The following MACROD2 variants were observed in gnomAD, a reference collection of about 807,000 sequenced individuals.
MACROD2 encodes ADP-ribose glycohydrolase MACROD2.
MACROD2 carries 36 observed loss-of-function variants against 70.4 expected under a neutral mutation model. The ratio of observed to expected loss-of-function variants is 0.51; its 90% CI spans 0.39 to 0.68. The LOEUF is 0.68. Ranked by LOEUF, MACROD2 falls within the 30% of genes least tolerant of loss-of-function variation. The pLI is 0.00. For synonymous variants in MACROD2, 172 were observed against 178.8 expected, an observed-to-expected ratio of 0.96 and a Z score of 0.30; for missense variants, 496 against 538.4, an observed-to-expected ratio of 0.92 and a Z score of 0.78.
chr20:14,143,034 T>C (rs1197316220), intron 3 of MACROD2, among the ~76,000 whole-genome samples: 1 of 151,200 alleles, frequency 6.6e-6, no homozygotes, highest in Admixed American at 6.6e-5. Flanking sequence ...TTAAGAAAAC[T>C]TTTCATGTCT....
chr20:15,453,598 A>G (rs1241955611), intron 7 of MACROD2, among the ~76,000 whole-genome samples: 2 of 152,172 alleles, frequency 1.3e-5, no homozygotes, highest in East Asian at 3.9e-4. Flanking sequence ...TTGATAGATC[A>G]GTATCATTTT....
Position 15,227,831 on chromosome 20 carries a change from T to TG in MACROD2, c.419-2109_419-2108insG, listed in dbSNP as rs575566458. 1.8e-4 allele frequency among the ~76,000 whole-genome samples: 23 copies of TG among 126,080 alleles called. 1 individual carries two copies. Among genetic ancestry groups the TG allele is most frequent in the African/African-American group, 7.3e-4 (23 of 31,626 alleles). 82.7% of individuals were successfully genotyped at this position (126,080 alleles called of 152,430 possible). ...GTGATAGAATTTCACCTGTTTTTTTTTTTTTTTTTTTTTTTTTTCAAATTT... is the reference window on the plus strand; with the variant it reads ...GTGATAGAATTTCACCTGTTTTTTTTGTTTTTTTTTTTTTTTTTTCAAATTT... On this transcript the variant is annotated intron_variant, in intron 5 of 17. Transcript: ENST00000684519.
chr20:15,391,805 G>T (rs989532612), intron 6 of MACROD2, among the ~76,000 whole-genome samples: 5 of 152,146 alleles, frequency 3.3e-5, no homozygotes, highest in Admixed American at 2.0e-4. Flanking sequence ...TTAGGCCACC[G>T]TTGAAGGGCT....
intron 8 of MACROD2, among the ~76,000 whole-genome samples, chr20:15,611,351 G>T (rs1176969376): frequency 6.6e-6 from 1 of 152,122 alleles, no homozygotes; most frequent in African/African-American, 2.4e-5. Flanking sequence ...CTCTGATTCT[G>T]CCACCAAGCT....
chr20:14,394,533 A>T (rs898290934), intron 3 of MACROD2, among the ~76,000 whole-genome samples: 13 of 152,046 alleles, frequency 8.6e-5, no homozygotes, highest in African/African-American at 2.9e-4. Flanking sequence ...GTTATGTTTT[A>T]CTTCTTCCTT....
At chr20:16,000,763 T>G (rs1371304136) in intron 15 of MACROD2, among the ~76,000 whole-genome samples, 1 of 152,200 alleles carries the variant, frequency 6.6e-6, no homozygotes, top group Non-Finnish European at 1.5e-5. Context: ...AGAAAGACCA[T>G]TTCAGTGACA....
At chr20:14,318,780 G>A (rs971527366) in intron 3 of MACROD2, among the ~76,000 whole-genome samples, 2 of 152,088 alleles carry the variant, frequency 1.3e-5, no homozygotes, top group Non-Finnish European at 2.9e-5. Flanking sequence ...TTTCATGTCT[G>A]TTTCTTTCTG....
chr20:15,493,734 T>G (rs1245483178), intron 7 of MACROD2, among the ~76,000 whole-genome samples: 1 of 152,222 alleles, frequency 6.6e-6, no homozygotes, highest in Non-Finnish European at 1.5e-5. Flanking sequence ...CCAGATTTAC[T>G]GTAGCTGCAT....
chr20:14,338,206 A>G (rs2082972033), intron 3 of MACROD2, among the ~76,000 whole-genome samples: 1 of 152,216 alleles, frequency 6.6e-6, no homozygotes, highest in African/African-American at 2.4e-5. Context: ...GTTCGAGACC[A>G]GCCTGACCAA....
At chr20:14,790,483 G>GTTTCCA (rs1347622038) in intron 5 of MACROD2, among the ~76,000 whole-genome samples, 3 of 151,942 alleles carry the variant, frequency 2.0e-5, no homozygotes, top group East Asian at 1.9e-4. Context: ...AAGTTGTTCC[G>GTTTCCA]TTTTATAAAA....
intron 8 of MACROD2, among the ~76,000 whole-genome samples, chr20:15,507,548 C>T (rs1480777077): frequency 6.6e-6 from 1 of 151,258 alleles, no homozygotes; most frequent in African/African-American, 2.4e-5. Context: ...CCCACCAGCC[C>T]GCCCCAGCCC....
intron 3 of MACROD2, among the ~76,000 whole-genome samples, chr20:14,100,683 T>C (rs2054288309): frequency 7.8e-6 from 1 of 127,998 alleles, no homozygotes; most frequent in Non-Finnish European, 1.6e-5. Flanking sequence ...TATTTATATA[T>C]TTATTTTAAA....
intron 8 of MACROD2, among the ~76,000 whole-genome samples, chr20:15,587,299 A>G (rs191880716): frequency 1.3e-5 from 2 of 152,322 alleles, no homozygotes; most frequent in East Asian, 1.9e-4. Context: ...CCATGATTCA[A>G]TTACCTCTGG....
chr20:15,513,173 T>C (rs1461664660), intron 8 of MACROD2, among the ~76,000 whole-genome samples: 4 of 152,238 alleles, frequency 2.6e-5, no homozygotes, highest in Admixed American at 2.6e-4. Flanking sequence ...AACTGTTTTT[T>C]ATAAGTTCTT....
intron 5 of MACROD2, chr20:14,757,703 A>G: frequency 1.4e-6 from 2 of 1,480,978 alleles, no homozygotes; most frequent in Non-Finnish European, 1.9e-6. Flanking sequence ...CATAAAGGCC[A>G]TGCAGTCTCT....
chr20:14,886,159 A>G (rs1413865043), intron 5 of MACROD2, among the ~76,000 whole-genome samples: 1 of 152,184 alleles, frequency 6.6e-6, no homozygotes, highest in Non-Finnish European at 1.5e-5. Context: ...GTAAGGCCCC[A>G]CTGGGCAGGT....
chr20:14,625,065 C>T (rs1984059013), intron 4 of MACROD2, among the ~76,000 whole-genome samples: 1 of 152,082 alleles, frequency 6.6e-6, no homozygotes, highest in Non-Finnish European at 1.5e-5. Flanking sequence ...TGTGGTGGCT[C>T]ATGTCTGTAA....
At chr20:14,423,113 T>A (rs561002310) in intron 3 of MACROD2, among the ~76,000 whole-genome samples, 1 of 152,338 alleles carries the variant, frequency 6.6e-6, no homozygotes, top group African/African-American at 2.4e-5. Flanking sequence ...AAGTCTGTTC[T>A]GCTGTGTTTG....
At position 14,870,982 on chromosome 20, in the gene MACROD2, T is replaced by C. The variant is rs1012107726; in HGVS notation, c.418+186023T>C. On this transcript the variant is annotated intron_variant, in intron 5 of 17. Coordinates refer to ENST00000684519, the MANE Select transcript of MACROD2 (RefSeq NM_001351661.2). ...TCACATTTGTCAATTTTTGCTTTTG[T>C]TGCAATTGCTTTTAGTGTCTTCATC... 2.0e-5 allele frequency among the ~76,000 whole-genome samples: 3 copies of C among 152,292 alleles called. No homozygotes were observed. The South Asian group carries it at 6.2e-4, about 32-fold the overall frequency.
Sources: allele counts gnomAD v4.1 joint callset (sites outside exome capture counted in the v4.1 genomes callset), GRCh38; gene constraint gnomAD v4.1.1; transcripts MANE v1.5; gene names NCBI Gene and HGNC (gene_info 2026-07-23, HGNC 2026-07-21).